Variants in ZNF599 observed in about 807,000 individuals in gnomAD.
ZNF599 encodes zinc finger protein 599.
A neutral mutation model predicts 11.7 loss-of-function variants in ZNF599; 10 were observed. The ratio of observed to expected loss-of-function variants is 0.86; its 90% confidence interval spans 0.53 to 1.45. The LOEUF (loss-of-function observed/expected upper bound fraction) is 1.45. ZNF599 is among the 40% of genes most tolerant of loss of function. The pLI is 0.00. For missense variants in ZNF599, 688 were observed against 713.6 expected (o/e 0.96, Z 0.41); for synonymous variants, 232 against 253.2 (o/e 0.92, Z 0.79).
upstream of ZNF599, among the ~76,000 whole-genome samples, chr19:34,776,728 G>A (rs777549972): frequency 1.3e-5 from 2 of 152,222 alleles, no homozygotes; most frequent in Non-Finnish European, 2.9e-5. Flanking sequence ...AGTGGTAGAA[G>A]AAAACAGTTT....
the ZNF599 span, among the ~76,000 whole-genome samples, chr19:34,781,526 C>T: frequency 7.0e-3 from 1,064 of 152,232 alleles, 11 homozygotes; most frequent in African/African-American, 0.024. Flanking sequence ...AATGAGCCTG[C>T]GGAATTGTTC....
At chr19:34,783,033 G>A in the ZNF599 span, among the ~76,000 whole-genome samples, 1 of 152,220 alleles carries the variant, frequency 6.6e-6, no homozygotes, top group African/African-American at 2.4e-5. Flanking sequence ...TTTGTACCCT[G>A]TTGATCACTG....
chr19:34,781,773 A>G, the ZNF599 span, among the ~76,000 whole-genome samples: 2 of 152,176 alleles, frequency 1.3e-5, 1 homozygote, highest in Non-Finnish European at 2.9e-5. Context: ...TCCAGGCCCA[A>G]GAAAAATGCA....
At chr19:34,802,650 G>A in the ZNF599 span, among the ~76,000 whole-genome samples, 160 of 152,274 alleles carry the variant, frequency 1.1e-3, 1 homozygote, top group East Asian at 0.021. Context: ...TCAAGAATGG[G>A]AGAAGAAAGG....
chr19:34,776,578 C>A (rs1404562115), upstream of ZNF599, among the ~76,000 whole-genome samples: 1 of 152,146 alleles, frequency 6.6e-6, no homozygotes, highest in Non-Finnish European at 1.5e-5. Context: ...TTCTGTGATT[C>A]TAATAAATGA....
At chr19:34,782,795 C>A in the ZNF599 span, among the ~76,000 whole-genome samples, 20,409 of 152,168 alleles carry the variant, frequency 0.13, 1,514 homozygotes, top group East Asian at 0.24. Context: ...GTATAGGCGT[C>A]TCTGAGCCTC....
chr19:34,769,494 T>C lies in ZNF599; in HGVS notation c.80A>G (p.Asp27Gly). Residue 27 changes from aspartate (D) to glycine (G), a missense_variant, in exon 2 of 4, where the codon GAC becomes GGC. Coordinates refer to ENST00000329285, the MANE Select transcript of ZNF599 (RefSeq NM_001007248.3). ...TFTGEEWGHL[D>G]LAQRTLYQEV... Reference sequence around the variant, plus strand: ...CTGGTACAGGGTCCTCTGGGCCAGGTCCAGGTGCCCCCATTCCTCTCCAGT... The same window carrying C: ...CTGGTACAGGGTCCTCTGGGCCAGGCCCAGGTGCCCCCATTCCTCTCCAGT... The C allele has an allele frequency of 6.2e-7, 1 of 1,614,180 alleles. No homozygotes were observed. The highest frequency in any genetic ancestry group is 8.5e-7 in the Non-Finnish European group (1 of 1,180,020).
In ZNF599 at chr19:34,769,535, G is replaced by C; in HGVS notation, c.39C>G (p.Asp13Glu). The C allele has an allele frequency of 6.2e-7, 1 of 1,613,950 alleles. No individual in the cohort carries two copies. Among genetic ancestry groups the C allele is most frequent in the Non-Finnish European group, 8.5e-7 (1 of 1,179,860 alleles). Residue 13 changes from aspartate (D) to glutamate (E), a missense_variant, in exon 2 of 4, where the codon GAC becomes GAG. By Grantham distance (45) the Asp-to-Glu change is conservative. Transcript: ENST00000329285. Reference sequence around the variant, plus strand: ...CCTCTCCAGTGAAGGTCACAACCACGTCTTCAAATGATACTAATGCCTGGG... The same window carrying C: ...CCTCTCCAGTGAAGGTCACAACCACCTCTTCAAATGATACTAATGCCTGGG... The part of the protein sequence containing the change: ...APALALVSFE[D>E]VVVTFTGEEW...
the ZNF599 span, among the ~76,000 whole-genome samples, chr19:34,787,520 G>T: frequency 6.6e-6 from 1 of 152,178 alleles, no homozygotes; most frequent in African/African-American, 2.4e-5. Context: ...TAGGCCACAG[G>T]ATTCAACGCT....
upstream of ZNF599, among the ~76,000 whole-genome samples, chr19:34,777,363 TA>T (rs1397394222): frequency 2.0e-4 from 14 of 70,994 alleles, no homozygotes; most frequent in East Asian, 6.0e-4. Context: ...TATATATTAA[TA>T]TATTATATAT....
At chr19:34,794,398 C>A in the ZNF599 span, among the ~76,000 whole-genome samples, 1 of 151,998 alleles carries the variant, frequency 6.6e-6, no homozygotes, top group Non-Finnish European at 1.5e-5. Context: ...CAATGAGCAA[C>A]GAGGGCAACA....
rs759704864 is a variant in ZNF599 at position 34,769,403 on chromosome 19, T to G, written c.145+26A>C. ...GGATTCAAAGAGGCTGTGGGTCCCC[T>G]ACATGGGAGGGTAATGAGGTCTTAC... is the stretch of plus-strand genomic sequence containing the variant. On this transcript the variant is annotated intron_variant, in intron 2 of 3. Coordinates refer to ENST00000329285, the MANE Select transcript of ZNF599 (RefSeq NM_001007248.3). 6 of 1,613,980 alleles carry G rather than the reference T, an allele frequency of 3.7e-6. No homozygotes were observed. In the South Asian group the frequency reaches 5.5e-5, roughly 15 times the overall value.
In ZNF599 at chr19:34,767,340, C is replaced by T; in HGVS notation, c.217G>A (p.Gly73Ser). Reference sequence around the variant, plus strand: ...CCTGCGCAGGTGCTTTGGGAGAGGCCTCTCTTCACTGTCCACAGTTCCTGT... The same window carrying T: ...CCTGCGCAGGTGCTTTGGGAGAGGCTTCTCTTCACTGTCCACAGTTCCTGT... ...HGQELWTVKR[G>S]LSQSTCAGEK... Residue 73 changes from glycine to serine, a missense_variant, in exon 3 of 4, where the codon GGC becomes AGC. By Grantham distance (56) the Gly-to-Ser change is moderately conservative. Transcript: ENST00000329285. 6.2e-7 allele frequency: 1 copy of T among 1,614,134 alleles called. No individual in the cohort carries two copies. Among genetic ancestry groups the T allele is most frequent in the South Asian group, 1.1e-5 (1 of 91,078 alleles).
At chr19:34,793,362 G>C in the ZNF599 span, among the ~76,000 whole-genome samples, 5 of 152,192 alleles carry the variant, frequency 3.3e-5, no homozygotes, top group Non-Finnish European at 5.9e-5. Context: ...AGCAGGGAGA[G>C]TGCCTGGAAC....
the ZNF599 span, among the ~76,000 whole-genome samples, chr19:34,793,024 G>A: frequency 3.9e-5 from 6 of 152,146 alleles, no homozygotes; most frequent in African/African-American, 7.2e-5. Flanking sequence ...GCACAGTGAC[G>A]CCTTTTGGGG....
At position 34,759,872 on chromosome 19, in the gene ZNF599, G is replaced by A. The variant is rs1463438206; in HGVS notation, c.929C>T (p.Pro310Leu). 2.4e-5 allele frequency: 39 copies of A among 1,613,986 alleles called. No homozygotes were observed. The Admixed American group carries it at 6.2e-4, about 26-fold the overall frequency. The change falls in exon 4 of 4, where the codon CCC becomes CTC. Residue 310 changes from proline (P) to leucine (L), a missense_variant. Physicochemically the swap from Pro to Leu is moderately conservative, Grantham distance 98. Transcript: ENST00000329285. ...QHNMTHTREK[P>L]FLCKECGKAF... is the part of the protein sequence containing the mutation. ...TTTCCCACATTCTTTGCATAAAAAG[G>A]GTTTTTCTCGAGTGTGAGTCATATT...
chr19:34,760,991 G>A (rs1436215376), intron 3 of ZNF599, among the ~76,000 whole-genome samples: 1 of 152,090 alleles, frequency 6.6e-6, no homozygotes, highest in Non-Finnish European at 1.5e-5. Flanking sequence ...TGAGCTACGT[G>A]GGCTTTCTTT....
chr19:34,782,239 A>G, the ZNF599 span, among the ~76,000 whole-genome samples: 1 of 152,216 alleles, frequency 6.6e-6, no homozygotes, highest in Non-Finnish European at 1.5e-5. Context: ...TTGGCAGGTG[A>G]GTGGCCAGCA....
intron 3 of ZNF599, among the ~76,000 whole-genome samples, chr19:34,765,957 G>C (rs2069139621): frequency 6.6e-6 from 1 of 152,176 alleles, no homozygotes; most frequent in African/African-American, 2.4e-5. Flanking sequence ...ATGTGAAATG[G>C]TCAAGATTCG....
Sources: gnomAD v4.1 joint callset for allele counts (sites outside exome capture counted in the v4.1 genomes callset) on GRCh38, gnomAD v4.1.1 for gene constraint, MANE v1.5 for transcripts, NCBI Gene and HGNC (gene_info 2026-07-23, HGNC 2026-07-21) for gene names.